The following HCN1 variants were observed in gnomAD, a reference collection of about 807,000 sequenced individuals.
HCN1 encodes hyperpolarization activated cyclic nucleotide gated potassium channel 1.
HCN1 carries 13 observed loss-of-function variants against 78.9 expected under a neutral mutation model. The ratio of observed to expected loss-of-function variants is 0.16; its 90% CI spans 0.11 to 0.26. The LOEUF is 0.26. Among genes scored for constraint, HCN1 ranks in the 10% least tolerant of loss-of-function variants. The pLI is 1.00. For missense variants in HCN1, 810 were observed against 1,154.3 expected, an observed-to-expected ratio of 0.70 and a Z score of 4.32; for synonymous variants, 552 against 455.5, an observed-to-expected ratio of 1.21 and a Z score of -2.70.
In HCN1 at chr5:45,262,285, C is replaced by T. The variant is rs369380065; in HGVS notation, c.2309G>A (p.Ser770Asn). The change falls in exon 8 of 8, where the codon AGC becomes AAC. Residue 770 changes from serine to asparagine, a missense_variant. By Grantham distance (46) the Ser-to-Asn change is conservative (BLOSUM62 1). Around this residue, in one of 6 missense-constraint regions of HCN1, gnomAD observed 398 missense variants for 381.3 expected, o/e 1.04. Coordinates refer to ENST00000303230, the MANE Select transcript of HCN1 (RefSeq NM_021072.4). ...GTTGGTGTTGTGAAGCGCCTGCGTG[C>T]TCTTGTGCACTTCATTTTTCGGCGT... Reference protein sequence around the residue: ...SSTPKNEVHKSTQALHNTNLT... With the variant: ...SSTPKNEVHKNTQALHNTNLT... 3 of 1,613,840 alleles carry T rather than the reference C, an allele frequency of 1.9e-6. No individual in the cohort carries two copies. In the African/African-American group the frequency reaches 4.0e-5, roughly 22 times the overall value.
At chr5:45,327,980 T>TA (rs1173294868) in intron 5 of HCN1, among the ~76,000 whole-genome samples, 1 of 151,604 alleles carries the variant, frequency 6.6e-6, no homozygotes, top group Non-Finnish European at 1.5e-5. Context: ...AAAAAACTAA[T>TA]ACAGCAAGTT....
chr5:45,478,563 C>T (rs373480353), intron 2 of HCN1, among the ~76,000 whole-genome samples: 4 of 152,116 alleles, frequency 2.6e-5, no homozygotes, highest in Admixed American at 6.6e-5. Flanking sequence ...GATAGTTATC[C>T]GTACTAATTC....
intron 2 of HCN1, among the ~76,000 whole-genome samples, chr5:45,494,704 G>A (rs1319334631): frequency 6.6e-6 from 1 of 151,972 alleles, no homozygotes; most frequent in Admixed American, 6.6e-5. Context: ...TAATGCCTAG[G>A]TTTTCTTCTA....
intron 5 of HCN1, among the ~76,000 whole-genome samples, chr5:45,334,491 C>T (rs1402138560): frequency 2.6e-5 from 4 of 151,678 alleles, no homozygotes; most frequent in Non-Finnish European, 5.9e-5. Context: ...ATGTGACTTC[C>T]TACATTTCTA....
In HCN1 at chr5:45,262,314, G is replaced by C; in HGVS notation, c.2280C>G (p.Ser760Arg). The C allele has an allele frequency of 6.2e-7, 1 of 1,613,862 alleles. No individual in the cohort carries two copies. Residue 760 changes from serine to arginine, a missense_variant, in exon 8 of 8, where the codon AGC becomes AGG. Around this residue, in one of 6 missense-constraint regions of HCN1, gnomAD observed 398 missense variants for 381.3 expected, o/e 1.04. Coordinates refer to ENST00000303230, the MANE Select transcript of HCN1 (RefSeq NM_021072.4). ...TGTGCACTTCATTTTTCGGCGTGGA[G>C]CTGCCAGGTGTCTGTGGCTGCGGGG... ...QPSPQPQTPG[S>R]STPKNEVHKS...
intron 7 of HCN1, among the ~76,000 whole-genome samples, chr5:45,264,408 A>C (rs1007026230): frequency 6.6e-6 from 1 of 152,234 alleles, no homozygotes; most frequent in Non-Finnish European, 1.5e-5. Context: ...CTAATCTCCA[A>C]GTGAATATGG....
chr5:45,531,399 C>T (rs1375915145), intron 2 of HCN1, among the ~76,000 whole-genome samples: 1 of 152,122 alleles, frequency 6.6e-6, no homozygotes, highest in Non-Finnish European at 1.5e-5. Flanking sequence ...ACTTCAGACT[C>T]CTCTGTTGCT....
intron 5 of HCN1, among the ~76,000 whole-genome samples, chr5:45,348,836 A>G (rs1187146855): frequency 6.6e-6 from 1 of 152,216 alleles, no homozygotes; most frequent in African/African-American, 2.4e-5. Flanking sequence ...TCCTAAATAT[A>G]TATGCATCCA....
intron 2 of HCN1, among the ~76,000 whole-genome samples, chr5:45,479,638 T>C (rs1490149819): frequency 6.6e-6 from 1 of 152,178 alleles, no homozygotes. Flanking sequence ...CCTAGGTTTC[T>C]AATTGTGGTA....
chr5:45,598,397 C>T (rs1014375233), intron 2 of HCN1, among the ~76,000 whole-genome samples: 2 of 152,114 alleles, frequency 1.3e-5, no homozygotes, highest in Non-Finnish European at 2.9e-5. Context: ...CTTCCTTACA[C>T]CTTATATAAA....
At chr5:45,466,713 A>G (rs1741277782) in intron 2 of HCN1, among the ~76,000 whole-genome samples, 1 of 152,186 alleles carries the variant, frequency 6.6e-6, no homozygotes, top group African/African-American at 2.4e-5. Flanking sequence ...CAATGGTAAA[A>G]TAAATATTTT....
In HCN1 at chr5:45,262,078, A is replaced by T; in HGVS notation, c.2516T>A (p.Val839Asp). The T allele has an allele frequency of 6.2e-7, 1 of 1,613,686 alleles. No individual in the cohort carries two copies. The highest frequency in any genetic ancestry group is 8.5e-7 in the Non-Finnish European group (1 of 1,179,870). ...AGGRSTVPQR[V>D]TLFRQMSSGA... ...CGACGACATCTGTCGGAAGAGGGTG[A>T]CGCGCTGCGGGACAGTGCTCCTGCC... The change falls in exon 8 of 8, where the codon GTC becomes GAC. Residue 839 changes from valine to aspartate, a missense_variant. Around this residue, in one of 6 missense-constraint regions of HCN1, gnomAD observed 398 missense variants for 381.3 expected, o/e 1.04. Transcript: ENST00000303230.
rs371110250 is a variant in HCN1 at position 45,336,022 on chromosome 5, G to GA, written c.1377+17077dup. Among the ~76,000 whole-genome samples, 259 of 152,086 alleles carry GA rather than the reference G, an allele frequency of 1.7e-3. 1 individual carries two copies. The highest frequency in any genetic ancestry group is 5.3e-3 in the African/African-American group (221 of 41,526). ...GCGTATACTTATTAATGGTGGTACA[G>GA]AAAATCACAAAAAGGATTTAAACTA... On this transcript the variant is annotated intron_variant, in intron 5 of 7. Transcript: ENST00000303230.
intron 1 of HCN1, among the ~76,000 whole-genome samples, chr5:45,685,682 A>G (rs1358494058): frequency 6.6e-6 from 1 of 152,136 alleles, no homozygotes; most frequent in Admixed American, 6.5e-5. Flanking sequence ...ATTGCACTCC[A>G]GCCTGGGCAA....
At chr5:45,476,741 C>T (rs1026897997) in intron 2 of HCN1, among the ~76,000 whole-genome samples, 3 of 152,068 alleles carry the variant, frequency 2.0e-5, no homozygotes, top group African/African-American at 7.2e-5. Context: ...CTGAGGATCT[C>T]TAATATGAAA....
chr5:45,641,310 A>C (rs988544771), intron 2 of HCN1, among the ~76,000 whole-genome samples: 2 of 152,182 alleles, frequency 1.3e-5, no homozygotes, highest in African/African-American at 4.8e-5. Flanking sequence ...CTATGGAATA[A>C]ATTTCCTTAT....
chr5:45,685,586 C>A (rs1258974728), intron 1 of HCN1, among the ~76,000 whole-genome samples: 4 of 152,144 alleles, frequency 2.6e-5, no homozygotes, highest in African/African-American at 7.2e-5. Context: ...GTGGCACATG[C>A]CTGTAATCCC....
chr5:45,438,589 CA>C (rs60699282), intron 3 of HCN1, among the ~76,000 whole-genome samples: 68 of 95,746 alleles, frequency 7.1e-4, no homozygotes, highest in South Asian at 1.1e-3. Context: ...GACTCCGTCT[CA>C]AAAAAAAAAA....
intron 2 of HCN1, among the ~76,000 whole-genome samples, chr5:45,488,913 G>C (rs1476313884): frequency 2.6e-5 from 4 of 152,206 alleles, no homozygotes; most frequent in Non-Finnish European, 5.9e-5. Flanking sequence ...GGGCACTGCA[G>C]TTTGTGTTAT....
Sources: allele counts gnomAD v4.1 joint callset (sites outside exome capture counted in the v4.1 genomes callset), GRCh38; gene constraint gnomAD v4.1.1; regional missense constraint gnomAD v4.1.1; transcripts MANE v1.5; gene names NCBI Gene and HGNC (gene_info 2026-07-23, HGNC 2026-07-21).